Variants in REPS2 observed in about 807,000 individuals in gnomAD.
REPS2 encodes the protein ralBP1-associated Eps domain-containing protein 2.
Under a neutral mutation model 53.6 loss-of-function variants are expected in REPS2, and 23 were observed. The ratio of observed to expected loss-of-function variants is 0.43; its 90% confidence interval spans 0.31 to 0.61. The LOEUF (loss-of-function observed/expected upper bound fraction) is 0.61, where lower values mean the gene tolerates loss of function less well. REPS2 is among the 20% of genes least tolerant of loss of function. The pLI is 0.11. For missense variants in REPS2, 446 were observed against 534.9 expected, an observed-to-expected ratio of 0.83 and a Z score of 1.64; for synonymous variants, 238 against 218.6, an observed-to-expected ratio of 1.09 and a Z score of -0.78.
chrX:17,159,917 C>T, the REPS2 span, among the ~76,000 whole-genome samples: 3 of 112,012 alleles, frequency 2.7e-5, no homozygotes, highest in Non-Finnish European at 5.6e-5. Context: ...TTGTGAAATC[C>T]AGTGATGTCT....
the REPS2 span, among the ~76,000 whole-genome samples, chrX:17,189,527 T>G: frequency 9.0e-6 from 1 of 111,277 alleles, no homozygotes; most frequent in African/African-American, 3.3e-5. Context: ...GCTCAGGCAA[T>G]CCACCCGCCT....
rs184284750 is a variant in REPS2, at chrX:17,024,702, G to T, written c.547-357G>T. On this transcript the variant is annotated intron_variant, in intron 3 of 17. Transcript: ENST00000357277. Reference sequence around the variant, plus strand: ...AAATCCAGGAAATAAATTTATTAATGAATGAAAATGAAATCTATCCACAGA... The same window carrying T: ...AAATCCAGGAAATAAATTTATTAATTAATGAAAATGAAATCTATCCACAGA... Among the ~76,000 whole-genome samples the T allele has an allele frequency of 2.5e-4, 28 of 111,506 alleles. No homozygotes were observed. In the East Asian group the frequency reaches 7.0e-3, roughly 28 times the overall value.
At chrX:16,979,900 T>C (rs2061000345) in intron 1 of REPS2, among the ~76,000 whole-genome samples, 1 of 110,670 alleles carries the variant, frequency 9.0e-6, no homozygotes. Flanking sequence ...AAAAAGTACG[T>C]CTTTATTTTG....
chrX:16,989,251 C>CAA (rs35448158), intron 1 of REPS2, among the ~76,000 whole-genome samples: 31 of 91,970 alleles, frequency 3.4e-4, no homozygotes, highest in African/African-American at 1.1e-3. Context: ...ATCAATATGT[C>CAA]AAAAAAAAAA....
intron 1 of REPS2, among the ~76,000 whole-genome samples, chrX:16,951,557 A>ACCCCCCCCCCC (rs1432722996): frequency 4.5e-5 from 1 of 22,177 alleles, no homozygotes; most frequent in Non-Finnish European, 1.3e-4. Context: ...ACACACACAC[A>ACCCCCCCCCCC]CACCCCCGCT....
intron 13 of REPS2, among the ~76,000 whole-genome samples, chrX:17,091,649 G>C (rs992376379): frequency 1.8e-5 from 2 of 111,695 alleles, no homozygotes; most frequent in African/African-American, 6.5e-5. Context: ...TTGTATTTCG[G>C]GGGGTGGTGT....
At chrX:17,116,019 C>T (rs1200652649) in intron 14 of REPS2, among the ~76,000 whole-genome samples, 1 of 111,017 alleles carries the variant, frequency 9.0e-6, no homozygotes, top group Non-Finnish European at 1.9e-5. Context: ...TGGGTTTAAG[C>T]GTAGATTTAA....
At chrX:17,124,856 C>CT (rs1175675334) in intron 14 of REPS2, among the ~76,000 whole-genome samples, 2,168 of 91,002 alleles carry the variant, frequency 0.024, 69 homozygotes, top group African/African-American at 0.071. Flanking sequence ...AGATGGACTT[C>CT]TTTTTTTTTT....
intron 5 of REPS2, chrX:17,044,620 A>G (rs1439462708): frequency 8.9e-6 from 1 of 111,772 alleles, no homozygotes; most frequent in Non-Finnish European, 1.9e-5. Flanking sequence ...TCGTTGGCTC[A>G]TAGGTGTCTG....
intron 1 of REPS2, among the ~76,000 whole-genome samples, chrX:17,000,034 G>A (rs1176326430): frequency 2.3e-4 from 19 of 81,799 alleles, no homozygotes; most frequent in South Asian, 1.4e-3. Flanking sequence ...GCGACAGAGC[G>A]AGACTCCGTC....
At position 17,074,266 on chromosome X, in the gene REPS2, G is replaced by T. The variant is rs185734414; in HGVS notation, c.1379+107G>T. 2.4e-3 allele frequency: 1,749 copies of T among 735,486 alleles called. 6 individuals carry two copies. The highest frequency in any genetic ancestry group is 3.4e-3 in the Non-Finnish European group (1,617 of 477,948). The allele number at this position is 735,486 out of a possible 1,213,427, so 60.6% of individuals were successfully genotyped here. On this transcript the variant is annotated intron_variant, in intron 12 of 17. Transcript: ENST00000357277. The stretch of plus-strand genomic sequence containing the variant: ...CCCATGATTTCCTCTTCCTTTAGAT[G>T]TAAAGCTTAGGATATGAGCCATTTC...
chrX:16,983,065 C>T (rs1168009312), intron 1 of REPS2, among the ~76,000 whole-genome samples: 1 of 112,547 alleles, frequency 8.9e-6, no homozygotes, highest in Admixed American at 9.4e-5. Flanking sequence ...GCATCCAACA[C>T]TGCACAGGAC....
At position 16,953,100 on chromosome X, in the gene REPS2, AACAC is replaced by A. The variant is rs68090119; in HGVS notation, c.273+6008_273+6011del. ...TCAAAAACAAACAAACCAAAAAACA[AACAC>A]ACACACACACACACACACACACACA... On this transcript the variant is annotated intron_variant, in intron 1 of 17. Transcript: ENST00000357277. Among the ~76,000 whole-genome samples the A allele has an allele frequency of 7.9e-3, 772 of 97,228 alleles. 8 individuals carry two copies. The highest frequency in any genetic ancestry group is 0.022 in the African/African-American group (568 of 26,346). 84.4% of individuals were successfully genotyped at this position (97,228 alleles called of 115,157 possible).
At chrX:16,983,016 G>T (rs939776110) in intron 1 of REPS2, among the ~76,000 whole-genome samples, 1 of 112,167 alleles carries the variant, frequency 8.9e-6, no homozygotes, top group African/African-American at 3.2e-5. Flanking sequence ...ATCACACATG[G>T]GGAAGTGCTC....
At chrX:17,029,690 C>T in intron 5 of REPS2, 67 bp downstream of exon 5, 1 of 698,168 alleles carries the variant, frequency 1.4e-6, no homozygotes, top group Admixed American at 2.9e-5. Context: ...GGGGACATGG[C>T]TTTTTGATGG....
At chrX:17,075,103 T>C (rs2047362047) in intron 12 of REPS2, among the ~76,000 whole-genome samples, 1 of 112,082 alleles carries the variant, frequency 8.9e-6, no homozygotes, top group South Asian at 3.7e-4. Context: ...TATTTATGTG[T>C]ATTTAAAAAC....
At chrX:17,016,668 CA>C (rs1273223132) in intron 2 of REPS2, among the ~76,000 whole-genome samples, 1 of 111,207 alleles carries the variant, frequency 9.0e-6, no homozygotes. Flanking sequence ...CTTGGTCTCC[CA>C]AAGTGCTGGG....
At chrX:17,085,089 A>G (rs985341961) in intron 13 of REPS2, among the ~76,000 whole-genome samples, 4 of 112,133 alleles carry the variant, frequency 3.6e-5, no homozygotes, top group Non-Finnish European at 7.5e-5. Flanking sequence ...ATTTTTCTGC[A>G]TGTGGATATA....
intron 2 of REPS2, among the ~76,000 whole-genome samples, chrX:17,007,808 C>G (rs1427524174): frequency 8.9e-6 from 1 of 112,014 alleles, no homozygotes; most frequent in Non-Finnish European, 1.9e-5. Context: ...GTTATGGCTG[C>G]ACACTGCAGG....
Sources: allele counts gnomAD v4.1 joint callset (sites outside exome capture counted in the v4.1 genomes callset), GRCh38; gene constraint gnomAD v4.1.1; transcripts MANE v1.5; gene names NCBI Gene and HGNC (gene_info 2026-07-23, HGNC 2026-07-21).